ANXA10: variants seen among roughly 807,000 people sequenced by gnomAD.
ANXA10 encodes annexin A10.
ANXA10 carries 49 observed loss-of-function variants against 53.5 expected under a neutral mutation model. The ratio of observed to expected loss-of-function variants is 0.92; its 90% confidence interval spans 0.73 to 1.16. The LOEUF is 1.16. ANXA10 is among the 50% of genes most tolerant of loss of function. The pLI, the probability that ANXA10 is intolerant of heterozygous loss-of-function variation, is 0.00. For synonymous variants in ANXA10, 131 were observed against 128.9 expected, an observed-to-expected ratio of 1.02 and a Z score of -0.11; for missense variants, 393 against 394.4, an observed-to-expected ratio of 1.00 and a Z score of 0.03.
intron 4 of ANXA10, among the ~76,000 whole-genome samples, chr4:168,163,551 TA>T (rs1731821125): frequency 6.6e-6 from 1 of 152,216 alleles, no homozygotes; most frequent in Non-Finnish European, 1.5e-5. Context: ...AAAAATTATT[TA>T]AAAAATAAAG....
chr4:168,110,858 T>C (rs546412650), intron 1 of ANXA10, among the ~76,000 whole-genome samples: 2 of 152,290 alleles, frequency 1.3e-5, no homozygotes, highest in Admixed American at 1.3e-4. Context: ...GAATAGAATT[T>C]CGTGATACTT....
chr4:168,104,705 A>ATT (rs1730691463), intron 1 of ANXA10, among the ~76,000 whole-genome samples: 1 of 151,750 alleles, frequency 6.6e-6, no homozygotes, highest in Non-Finnish European at 1.5e-5. Flanking sequence ...GTTGTCATCT[A>ATT]TTTTTATGTT....
At chr4:168,106,271 A>C (rs1276505844) in intron 1 of ANXA10, among the ~76,000 whole-genome samples, 2 of 152,148 alleles carry the variant, frequency 1.3e-5, no homozygotes, top group African/African-American at 4.8e-5. Flanking sequence ...TGGCTCAATG[A>C]TATTTTAAAA....
intron 1 of ANXA10, among the ~76,000 whole-genome samples, chr4:168,116,934 C>A (rs972912567): frequency 1.3e-5 from 2 of 151,894 alleles, no homozygotes; most frequent in African/African-American, 4.8e-5. Context: ...GCAATTATTT[C>A]TCCATTTAAT....
intron 3 of ANXA10, among the ~76,000 whole-genome samples, chr4:168,160,260 G>A (rs1041792848): frequency 6.6e-6 from 1 of 151,890 alleles, no homozygotes; most frequent in Non-Finnish European, 1.5e-5. Context: ...TCTCCTCCAT[G>A]TGTCCATGTG....
intron 1 of ANXA10, among the ~76,000 whole-genome samples, chr4:168,125,134 G>A (rs1018018445): frequency 5.3e-5 from 8 of 152,142 alleles, no homozygotes; most frequent in Non-Finnish European, 1.0e-4. Flanking sequence ...GAGGCAGAGG[G>A]TGAGAAATGC....
intron 3 of ANXA10, among the ~76,000 whole-genome samples, chr4:168,145,178 G>A (rs1044789344): frequency 6.6e-6 from 1 of 151,982 alleles, no homozygotes; most frequent in African/African-American, 2.4e-5. Flanking sequence ...CTGAGCACGG[G>A]GTCTGCAAAA....
intron 1 of ANXA10, among the ~76,000 whole-genome samples, chr4:168,106,977 C>T (rs1730729933): frequency 1.3e-5 from 2 of 152,156 alleles, no homozygotes; most frequent in South Asian, 4.1e-4. Context: ...TGAGATGCCT[C>T]AAAGATGGAG....
At chr4:168,108,348 C>G (rs893100491) in intron 1 of ANXA10, among the ~76,000 whole-genome samples, 5 of 152,146 alleles carry the variant, frequency 3.3e-5, no homozygotes, top group Non-Finnish European at 5.9e-5. Flanking sequence ...TTTACCCAAC[C>G]CCTACTCAAG....
intron 1 of ANXA10, among the ~76,000 whole-genome samples, chr4:168,124,988 A>T (rs1731045284): frequency 6.6e-6 from 1 of 152,202 alleles, no homozygotes; most frequent in African/African-American, 2.4e-5. Context: ...TTGTGAGGCT[A>T]GGAACGAGGG....
rs773052334 is a variant in ANXA10, at chr4:168,182,476, A to G, written c.783+735A>G. ...CTCCCAAGTAGCTGGGACTACAGGT[A>G]CCCGCCACCACACCCGGCTAATTTT... On this transcript the variant is annotated intron_variant, in intron 10 of 11. Transcript: ENST00000359299. 1.7e-3 allele frequency among the ~76,000 whole-genome samples: 256 copies of G among 148,624 alleles called. 1 individual carries two copies. Among genetic ancestry groups the G allele is most frequent in the Admixed American group, 2.9e-3 (44 of 14,984 alleles).
At chr4:168,184,138 A>C (rs1200345081) in intron 10 of ANXA10, among the ~76,000 whole-genome samples, 1 of 152,190 alleles carries the variant, frequency 6.6e-6, no homozygotes, top group Non-Finnish European at 1.5e-5. Flanking sequence ...CAGAGCTGAG[A>C]ATGTCTTCCC....
chr4:168,135,969 A>T (rs1731230867), intron 2 of ANXA10, among the ~76,000 whole-genome samples: 1 of 152,172 alleles, frequency 6.6e-6, no homozygotes, highest in East Asian at 1.9e-4. Flanking sequence ...AGACCTCAGG[A>T]AACTTACAAT....
intron 1 of ANXA10, among the ~76,000 whole-genome samples, chr4:168,094,491 G>A (rs1254819949): frequency 6.6e-6 from 1 of 152,114 alleles, no homozygotes; most frequent in Non-Finnish European, 1.5e-5. Flanking sequence ...TTGAGGCCAA[G>A]CTTATCTCTT....
intron 5 of ANXA10, 93 bp downstream of exon 5, chr4:168,164,381 T>A: frequency 1.0e-6 from 1 of 956,582 alleles, no homozygotes; most frequent in Non-Finnish European, 1.6e-6. Context: ...AAGAATTATC[T>A]AAGACATTCT....
intron 3 of ANXA10, among the ~76,000 whole-genome samples, chr4:168,142,361 G>A (rs551647052): frequency 4.1e-4 from 63 of 152,028 alleles, no homozygotes; most frequent in Admixed American, 1.7e-3. Context: ...AAATAGAACT[G>A]CTATACTTGT....
intron 1 of ANXA10, among the ~76,000 whole-genome samples, chr4:168,106,436 T>C (rs2149465346): frequency 6.6e-6 from 1 of 152,224 alleles, no homozygotes; most frequent in African/African-American, 2.4e-5. Context: ...AATATAGTGT[T>C]CCATGGAACT....
At chr4:168,159,538 T>C (rs560849520) in intron 3 of ANXA10, among the ~76,000 whole-genome samples, 10 of 152,302 alleles carry the variant, frequency 6.6e-5, no homozygotes, top group Admixed American at 2.0e-4. Flanking sequence ...GGCGGGAGCA[T>C]TAACTACAAA....
intron 3 of ANXA10, among the ~76,000 whole-genome samples, chr4:168,154,800 G>A (rs897927872): frequency 3.3e-5 from 5 of 152,084 alleles, no homozygotes; most frequent in African/African-American, 1.2e-4. Flanking sequence ...TATCTACATA[G>A]TGGAATGAAT....
Sources: allele counts gnomAD v4.1 joint callset (sites outside exome capture counted in the v4.1 genomes callset), GRCh38; gene constraint gnomAD v4.1.1; transcripts MANE v1.5; gene names NCBI Gene and HGNC (gene_info 2026-07-23, HGNC 2026-07-21).